PDE4D: variants seen among roughly 807,000 people sequenced by gnomAD.
The protein encoded by PDE4D is phosphodiesterase 4D, also known as 3',5'-cyclic-AMP phosphodiesterase 4D.
In PDE4D, 24 loss-of-function variants were observed where a neutral mutation model predicts 87.4. The observed-to-expected ratio is 0.27, with a 90% CI of 0.20 to 0.39. PDE4D has a LOEUF of 0.39. Ranked by LOEUF, PDE4D falls within the 10% of genes least tolerant of loss-of-function variation. PDE4D has a pLI of 1.00. For synonymous variants in PDE4D, 384 were observed against 383.2 expected (o/e 1.00, Z -0.02); for missense variants, 714 against 1,041.0 (o/e 0.69, Z 4.32).
At chr5:60,505,889 A>G (rs1404870882) in intron 1 of PDE4D, among the ~76,000 whole-genome samples, 1 of 152,238 alleles carries the variant, frequency 6.6e-6, no homozygotes, top group East Asian at 1.9e-4. Flanking sequence ...TCTCTTTGCC[A>G]GTTGGCAGGC....
chr5:60,333,094 T>C (rs546927470), intron 1 of PDE4D, among the ~76,000 whole-genome samples: 1 of 152,306 alleles, frequency 6.6e-6, no homozygotes, highest in East Asian at 1.9e-4. Flanking sequence ...TACCCTGATA[T>C]ATTCTCCTTG....
chr5:59,314,021 G>A (rs1036846023), intron 1 of PDE4D: 6 of 152,124 alleles, frequency 3.9e-5, no homozygotes, highest in Admixed American at 2.6e-4. Context: ...TATAAGTAAT[G>A]CCTTCTTTTC....
chr5:60,350,373 C>T lies in PDE4D; in HGVS notation c.-90+137569G>A, dbSNP rs192387812. Among the ~76,000 whole-genome samples the T allele has an allele frequency of 1.8e-3, 268 of 152,282 alleles. 1 individual carries two copies. The highest frequency in any genetic ancestry group is 6.2e-3 in the African/African-American group (259 of 41,550). ...CTAGGACCTCAACTTTAACCTACAT[C>T]CTTTCTCATCTCTCCAGGCTAGGAG... On this transcript the variant is annotated intron_variant, in intron 1 of 16. Coordinates refer to the PDE4D transcript ENST00000502484.
At chr5:60,245,809 G>A (rs1032316332) in intron 1 of PDE4D, among the ~76,000 whole-genome samples, 1 of 128,406 alleles carries the variant, frequency 7.8e-6, no homozygotes, top group Non-Finnish European at 1.7e-5. Context: ...GGGAAGTGGG[G>A]ATGGTTAATG....
chr5:60,162,088 G>T (rs952862721), intron 2 of PDE4D, among the ~76,000 whole-genome samples: 1 of 152,138 alleles, frequency 6.6e-6, no homozygotes, highest in South Asian at 2.1e-4. Context: ...TAATAAGCTC[G>T]AGGGAAAACA....
intron 1 of PDE4D, among the ~76,000 whole-genome samples, chr5:59,491,547 T>C (rs145854489): frequency 1.3e-5 from 2 of 152,322 alleles, no homozygotes; most frequent in African/African-American, 4.8e-5. Context: ...TTTGGAAAGC[T>C]TTCTCTGTAG....
In PDE4D at chr5:60,029,881, G is replaced by A. The variant is rs1228692599; in HGVS notation, c.43-41164C>T. On this transcript the variant is annotated intron_variant, in intron 2 of 16. Coordinates refer to the PDE4D transcript ENST00000502484. ...TTGTGGATGTGCTACTTGATGGTAC[G>A]GGGGCCCCAGCATCCCCCATCCTCA... is the stretch of plus-strand genomic sequence containing the variant. Among the ~76,000 whole-genome samples, 5 of 152,168 alleles carry A rather than the reference G, an allele frequency of 3.3e-5. No individual in the cohort carries two copies. In the South Asian group the frequency reaches 8.3e-4, roughly 25 times the overall value.
intron 1 of PDE4D, among the ~76,000 whole-genome samples, chr5:59,227,972 T>G (rs966076187): frequency 6.6e-5 from 10 of 152,100 alleles, no homozygotes. Context: ...TACAGCCCTA[T>G]TCACAATCAC....
chr5:60,375,564 G>T (rs1388501291), intron 1 of PDE4D, among the ~76,000 whole-genome samples: 3 of 152,136 alleles, frequency 2.0e-5, no homozygotes, highest in Non-Finnish European at 4.4e-5. Context: ...TACCCAAAGT[G>T]ACTATGTGTA....
intron 5 of PDE4D, among the ~76,000 whole-genome samples, chr5:59,123,887 G>A (rs1774978668): frequency 6.6e-6 from 1 of 152,026 alleles, no homozygotes; most frequent in African/African-American, 2.4e-5. Context: ...CGTGACTCTG[G>A]GCAAGTTGCT....
At chr5:59,195,774 C>T (rs571214192) in intron 2 of PDE4D, among the ~76,000 whole-genome samples, 23 of 152,278 alleles carry the variant, frequency 1.5e-4, no homozygotes, top group Non-Finnish European at 2.1e-4. Context: ...GCTTACCACA[C>T]AGTAAATGTT....
intron 1 of PDE4D, chr5:59,592,243 G>A: frequency 1.5e-6 from 1 of 652,080 alleles, no homozygotes; most frequent in Non-Finnish European, 1.9e-6. Context: ...GATGTTGATA[G>A]TCATGACTTT....
chr5:60,057,156 A>G (rs1027549453), intron 2 of PDE4D, among the ~76,000 whole-genome samples: 1 of 152,060 alleles, frequency 6.6e-6, no homozygotes, highest in African/African-American at 2.4e-5. Context: ...TACACAGAAT[A>G]AATTAGAAAC....
chr5:60,303,568 A>G (rs540489500), intron 1 of PDE4D, among the ~76,000 whole-genome samples: 60 of 151,956 alleles, frequency 3.9e-4, no homozygotes, highest in Admixed American at 7.2e-4. Flanking sequence ...CGGCCTCCCA[A>G]AGTGCTGGGA....
At chr5:59,719,393 T>G (rs1003577016) in intron 1 of PDE4D, among the ~76,000 whole-genome samples, 4 of 152,256 alleles carry the variant, frequency 2.6e-5, no homozygotes, top group Admixed American at 1.3e-4. Flanking sequence ...CTCAAGAGCA[T>G]GGATAATAGT....
chr5:59,038,779 C>T, intron 6 of PDE4D, 80 bp downstream of exon 6: 1 of 1,281,846 alleles, frequency 7.8e-7, no homozygotes, highest in Non-Finnish European at 1.0e-6. Context: ...ATTTATTTCC[C>T]GGGGCTATGG....
chr5:59,468,671 T>A (rs9687424), intron 1 of PDE4D, among the ~76,000 whole-genome samples: 10,429 of 152,138 alleles, frequency 0.069, 1,128 homozygotes, highest in African/African-American at 0.23. Flanking sequence ...AAAGCAAAGT[T>A]TTGATTTTCT....
At chr5:59,622,648 A>G (rs1316258947) in intron 1 of PDE4D, among the ~76,000 whole-genome samples, 1 of 152,188 alleles carries the variant, frequency 6.6e-6, no homozygotes, top group Non-Finnish European at 1.5e-5. Flanking sequence ...GCCCAATCTT[A>G]AGGAAGACCT....
intron 1 of PDE4D, among the ~76,000 whole-genome samples, chr5:60,230,424 C>T (rs902317830): frequency 3.9e-5 from 6 of 152,054 alleles, no homozygotes; most frequent in African/African-American, 7.2e-5. Context: ...AAAGTGGAAA[C>T]TTATTCTAGT....
Sources: gnomAD v4.1 joint callset for allele counts (sites outside exome capture counted in the v4.1 genomes callset) on GRCh38, gnomAD v4.1.1 for gene constraint, MANE v1.5 for transcripts, NCBI Gene and HGNC (gene_info 2026-07-23, HGNC 2026-07-21) for gene names.